Variants in DLGAP2 observed in about 807,000 individuals in gnomAD.
DLGAP2 encodes DLG associated protein 2, also known as disks large-associated protein 2.
DLGAP2 carries 26 observed loss-of-function variants against 100.3 expected under a neutral mutation model. The observed-to-expected ratio is 0.26, with a 90% CI of 0.19 to 0.36. DLGAP2 has a LOEUF of 0.36. Ranked by LOEUF, DLGAP2 falls within the 10% of genes least tolerant of loss-of-function variation. The pLI is 1.00. For synonymous variants in DLGAP2, 886 were observed against 630.1 expected, an observed-to-expected ratio of 1.41 and a Z score of -6.08; for missense variants, 1,858 against 1,453.2, an observed-to-expected ratio of 1.28 and a Z score of -4.53.
chr8:824,109 C>G (rs574167719), intron 1 of DLGAP2, among the ~76,000 whole-genome samples: 2 of 152,048 alleles, frequency 1.3e-5, no homozygotes, highest in African/African-American at 2.4e-5. Context: ...TTTTCTCCCT[C>G]TGTCACTCAG....
chr8:1,231,573 G>A (rs1563267533), intron 2 of DLGAP2, among the ~76,000 whole-genome samples: 2 of 152,190 alleles, frequency 1.3e-5, no homozygotes, highest in East Asian at 3.8e-4. Flanking sequence ...GCAAAGAGAG[G>A]AAATCAGCCT....
intron 2 of DLGAP2, among the ~76,000 whole-genome samples, chr8:969,297 G>A (rs888819694): frequency 6.6e-6 from 1 of 152,152 alleles, no homozygotes; most frequent in African/African-American, 2.4e-5. Context: ...TTGGCTCCCT[G>A]GGCCTCCCGC....
intron 1 of DLGAP2, among the ~76,000 whole-genome samples, chr8:789,831 T>C (rs770158736): frequency 2.0e-5 from 3 of 152,138 alleles, no homozygotes; most frequent in African/African-American, 4.8e-5. Context: ...TCTCTCAGGT[T>C]AGTGTGGACC....
chr8:1,355,982 C>T (rs933258158), intron 3 of DLGAP2, among the ~76,000 whole-genome samples: 3 of 152,108 alleles, frequency 2.0e-5, no homozygotes, highest in East Asian at 1.9e-4. Context: ...CCCAAGGCTC[C>T]GCATTTGGGT....
chr8:794,493 G>A (rs930587955), intron 1 of DLGAP2, among the ~76,000 whole-genome samples: 2 of 152,160 alleles, frequency 1.3e-5, no homozygotes, highest in Admixed American at 1.3e-4. Context: ...AGAAATGAAG[G>A]GGTGGGCTGA....
rs898728792 is a variant in DLGAP2 at position 1,409,518 on chromosome 8, C to T, written c.107-91848C>T. Among the ~76,000 whole-genome samples the T allele has an allele frequency of 5.3e-5, 8 of 152,240 alleles. No individual in the cohort carries two copies. The East Asian group carries it at 5.8e-4, about 11-fold the overall frequency. ...CAAGAAGAGAGCTGGGTGTGACGAA[C>T]GTGCTCAGAACCCTCCTCGCTTCCC... On this transcript the variant is annotated intron_variant, in intron 3 of 14. Transcript: ENST00000637795.
intron 1 of DLGAP2, among the ~76,000 whole-genome samples, chr8:823,543 C>G (rs1400298743): frequency 1.3e-5 from 2 of 152,110 alleles, no homozygotes; most frequent in Non-Finnish European, 2.9e-5. Context: ...ATCCCAGAGA[C>G]CCTTGACTTC....
intron 5 of DLGAP2, among the ~76,000 whole-genome samples, chr8:1,558,021 G>A (rs1802024728): frequency 6.6e-6 from 1 of 152,234 alleles, no homozygotes; most frequent in Non-Finnish European, 1.5e-5. Flanking sequence ...ATGGCTGAGG[G>A]CATGCCCTGG....
intron 13 of DLGAP2, among the ~76,000 whole-genome samples, chr8:1,694,579 C>T (rs191607020): frequency 6.6e-6 from 1 of 152,142 alleles, no homozygotes; most frequent in Non-Finnish European, 1.5e-5. Flanking sequence ...GCTTGTGGGA[C>T]CAGCAGTTTG....
chr8:1,408,812 G>T (rs919552505), intron 3 of DLGAP2, among the ~76,000 whole-genome samples: 3 of 151,972 alleles, frequency 2.0e-5, no homozygotes, highest in Non-Finnish European at 4.4e-5. Context: ...CTTTCACTGC[G>T]TTAACAGGAA....
chr8:1,484,484 G>A (rs1045644309), intron 3 of DLGAP2, among the ~76,000 whole-genome samples: 4 of 152,224 alleles, frequency 2.6e-5, no homozygotes, highest in Admixed American at 1.3e-4. Flanking sequence ...AGCGGTGCCC[G>A]CCGACCCAGG....
At chr8:1,178,583 TC>T (rs758163259) in intron 2 of DLGAP2, among the ~76,000 whole-genome samples, 9 of 151,284 alleles carry the variant, frequency 5.9e-5, no homozygotes, top group African/African-American at 9.7e-5. Flanking sequence ...TAGACATCTC[TC>T]TTTTTTTTAG....
At chr8:1,299,391 C>G (rs1415745216) in intron 3 of DLGAP2, among the ~76,000 whole-genome samples, 1 of 152,206 alleles carries the variant, frequency 6.6e-6, no homozygotes, top group Non-Finnish European at 1.5e-5. Context: ...CATGGCCCTT[C>G]TTTCACATGT....
chr8:1,648,948 G>A (rs1178763300), intron 8 of DLGAP2, among the ~76,000 whole-genome samples: 5 of 152,206 alleles, frequency 3.3e-5, no homozygotes, highest in East Asian at 1.9e-4. Context: ...ATTCTGCAAC[G>A]TGAGTGGAGT....
At chr8:1,252,575 G>A (rs1799070921) in intron 2 of DLGAP2, among the ~76,000 whole-genome samples, 1 of 152,292 alleles carries the variant, frequency 6.6e-6, no homozygotes, top group South Asian at 2.1e-4. Flanking sequence ...CTGGGTCATG[G>A]TGTCCCACAG....
chr8:1,419,222 G>A (rs1355912279), intron 3 of DLGAP2, among the ~76,000 whole-genome samples: 2 of 151,082 alleles, frequency 1.3e-5, no homozygotes, highest in South Asian at 4.2e-4. Context: ...GTGTGTGTGT[G>A]TGTGTGTGTG....
At chr8:1,320,398 C>T (rs75530036) in intron 3 of DLGAP2, among the ~76,000 whole-genome samples, 1,773 of 152,044 alleles carry the variant, frequency 0.012, 21 homozygotes, top group South Asian at 0.04. Context: ...GGAGCCGGAC[C>T]GGAGGAGGAG....
Position 1,220,339 on chromosome 8 carries a change from G to A in DLGAP2, c.74-38512G>A, listed in dbSNP as rs190361507. ...TTTTCATTAGTTTCAAATAATGTTT[G>A]GATTTCTACCTTCATTCTTTACCCA... On this transcript the variant is annotated intron_variant, in intron 2 of 14. Coordinates refer to ENST00000637795, the MANE Select transcript of DLGAP2 (RefSeq NM_001346810.2). 2.5e-3 allele frequency among the ~76,000 whole-genome samples: 385 copies of A among 152,174 alleles called. 2 individuals carry two copies. The highest frequency in any genetic ancestry group is 8.8e-3 in the African/African-American group (365 of 41,526).
At position 950,258 on chromosome 8, in the gene DLGAP2, A is replaced by G. The variant is rs538012401; in HGVS notation, c.73+42292A>G. Among the ~76,000 whole-genome samples, 3 of 152,304 alleles carry G rather than the reference A, an allele frequency of 2.0e-5. No homozygotes were observed. The South Asian group carries it at 6.2e-4, about 32-fold the overall frequency. On this transcript the variant is annotated intron_variant, in intron 2 of 14. Coordinates refer to ENST00000637795, the MANE Select transcript of DLGAP2 (RefSeq NM_001346810.2). The stretch of plus-strand genomic sequence containing the variant: ...AACATGGTACCAAAAATCATGAGGA[A>G]ATACAGCATGGCCCATTTTGCTTTA...
Sources: allele counts gnomAD v4.1 joint callset (sites outside exome capture counted in the v4.1 genomes callset), GRCh38; gene constraint gnomAD v4.1.1; transcripts MANE v1.5; gene names NCBI Gene and HGNC (gene_info 2026-07-23, HGNC 2026-07-21).